Variants in SPINK8 observed in about 807,000 individuals in gnomAD.
SPINK8 encodes the protein serine peptidase inhibitor Kazal type 8 (putative).
SPINK8 carries 12 observed loss-of-function variants against 14.4 expected under a neutral mutation model. The observed-to-expected ratio is 0.83, with a 90% confidence interval of 0.53 to 1.35. The LOEUF (loss-of-function observed/expected upper bound fraction) is 1.35. Ranked by LOEUF, SPINK8 falls within the 40% of genes most tolerant of loss-of-function variation. The pLI, the probability that SPINK8 is intolerant of heterozygous loss-of-function variation, is 0.00. For synonymous variants in SPINK8, 32 were observed against 37.6 expected (o/e 0.85, Z 0.55); for missense variants, 103 against 117.0 (o/e 0.88, Z 0.55).
At chr3:48,310,095 A>G (rs1377803850) in intron 6 of SPINK8, 149 bp from the exon 7 acceptor site, 2 of 1,097,256 alleles carry the variant, frequency 1.8e-6, no homozygotes, top group African/African-American at 1.6e-5. Context: ...ATTCTACTAT[A>G]TGAATTTTTA....
chr3:48,309,755 A>C (rs1018700400), intron 7 of SPINK8, 149 bp downstream of exon 7: 17 of 1,174,446 alleles, frequency 1.4e-5, no homozygotes, highest in Admixed American at 4.6e-5. Flanking sequence ...TTGAATACAC[A>C]TGATAGGCTT....
At chr3:48,317,075 TA>T (rs1283661413) in intron 6 of SPINK8, among the ~76,000 whole-genome samples, 1 of 152,246 alleles carries the variant, frequency 6.6e-6, no homozygotes, top group African/African-American at 2.4e-5. Context: ...CTTTCTCTCC[TA>T]AGAGGCAACT....
chr3:48,309,603 T>C (rs1375404615), intron 7 of SPINK8, among the ~76,000 whole-genome samples: 2 of 152,198 alleles, frequency 1.3e-5, no homozygotes, highest in African/African-American at 4.8e-5. Context: ...TGTAAGGAAA[T>C]GTCCAAACTT....
At chr3:48,321,895 C>T (rs1293496563) in intron 4 of SPINK8, among the ~76,000 whole-genome samples, 1 of 150,836 alleles carries the variant, frequency 6.6e-6, no homozygotes, top group African/African-American at 2.4e-5. Context: ...TCACTGAAGC[C>T]TCAACTACCT....
chr3:48,324,313 A>C (rs954282572), intron 4 of SPINK8, among the ~76,000 whole-genome samples: 2 of 152,192 alleles, frequency 1.3e-5, no homozygotes, highest in African/African-American at 4.8e-5. Context: ...ATAGATATAC[A>C]AATGATTTTT....
rs750919563 is a variant in SPINK8, at chr3:48,321,105, G to T, written c.68-31C>A. 1.9e-6 allele frequency: 3 copies of T among 1,559,464 alleles called. No individual in the cohort carries two copies. The East Asian group carries it at 7.1e-5, about 37-fold the overall frequency. On this transcript the variant is annotated intron_variant, in intron 4 of 7. Transcript: ENST00000434006. ...AGACAAAAGCACATACAGAAAAGTT[G>T]CTTCTCTGTCTTCTGCCCTCAGCGA...
At chr3:48,310,659 A>G (rs934308336) in intron 6 of SPINK8, among the ~76,000 whole-genome samples, 6 of 152,026 alleles carry the variant, frequency 3.9e-5, no homozygotes, top group Admixed American at 3.9e-4. Context: ...CACCAGGCCC[A>G]GCTAATTTTT....
At chr3:48,312,434 A>G (rs1249729336) in intron 6 of SPINK8, among the ~76,000 whole-genome samples, 4 of 152,174 alleles carry the variant, frequency 2.6e-5, no homozygotes, top group Admixed American at 6.5e-5. Context: ...CCTGAGGTCA[A>G]GAATTTGAGA....
At chr3:48,333,391 A>T (rs1459499246) in intron 1 of SPINK8, among the ~76,000 whole-genome samples, 144 bp downstream of exon 1, 2 of 152,096 alleles carry the variant, frequency 1.3e-5, no homozygotes, top group African/African-American at 4.8e-5. Flanking sequence ...GGGAACGTTT[A>T]AAAAGAACAT....
intron 6 of SPINK8, among the ~76,000 whole-genome samples, chr3:48,314,472 G>T (rs1450745167): frequency 1.3e-5 from 2 of 152,110 alleles, no homozygotes; most frequent in East Asian, 3.8e-4. Context: ...CAGTTCCATG[G>T]TAGTAATGAA....
At chr3:48,321,875 C>T (rs966407785) in intron 4 of SPINK8, among the ~76,000 whole-genome samples, 8 of 151,930 alleles carry the variant, frequency 5.3e-5, no homozygotes, top group Middle Eastern at 3.4e-3. Context: ...TGCATTGACA[C>T]GATATCAGCT....
chr3:48,320,661 T>C (rs547689827), intron 5 of SPINK8, among the ~76,000 whole-genome samples: 16 of 152,172 alleles, frequency 1.1e-4, no homozygotes, highest in Non-Finnish European at 1.9e-4. Flanking sequence ...AGGAAATACC[T>C]CATAGGGCCT....
chr3:48,320,436 T>TG (rs2036056578), intron 5 of SPINK8, among the ~76,000 whole-genome samples: 2 of 151,664 alleles, frequency 1.3e-5, no homozygotes, highest in African/African-American at 4.8e-5. Context: ...TAGTCCAAGC[T>TG]ACTCGGGAGG....
chr3:48,312,500 A>G (rs1372306336), intron 6 of SPINK8, among the ~76,000 whole-genome samples: 2 of 151,232 alleles, frequency 1.3e-5, no homozygotes, highest in Admixed American at 1.3e-4. Flanking sequence ...AAAATTACCC[A>G]GGCTTGGTGG....
chr3:48,325,031 A>C (rs2107107506), intron 4 of SPINK8, among the ~76,000 whole-genome samples: 1 of 152,358 alleles, frequency 6.6e-6, no homozygotes, highest in South Asian at 2.1e-4. Context: ...ACCCTTTATC[A>C]TAACATGTCT....
chr3:48,324,098 G>A (rs895194096), intron 4 of SPINK8, among the ~76,000 whole-genome samples: 1 of 152,052 alleles, frequency 6.6e-6, no homozygotes. Context: ...TCTTAACAAT[G>A]TTAAGTCTTC....
rs776892707 is a variant in SPINK8, at chr3:48,313,452, TATA to T, written c.240-3509_240-3507del. On this transcript the variant is annotated intron_variant, in intron 6 of 7. Transcript: ENST00000434006. Reference sequence around the variant, plus strand: ...CCATTTTCACACCCACAAGGATGGATATAATAATATTTTTAAAAAGTACTAGCA... The same window carrying T: ...CCATTTTCACACCCACAAGGATGGATATAATATTTTTAAAAAGTACTAGCA... Among the ~76,000 whole-genome samples the T allele has an allele frequency of 7.2e-5, 11 of 152,288 alleles. No individual in the cohort carries two copies. The East Asian group carries it at 1.3e-3, about 19-fold the overall frequency.
At chr3:48,315,803 T>C (rs973977607) in intron 6 of SPINK8, among the ~76,000 whole-genome samples, 1 of 151,048 alleles carries the variant, frequency 6.6e-6, no homozygotes, top group East Asian at 1.9e-4. Flanking sequence ...GAGAATGATG[T>C]CTCACCAAAT....
chr3:48,331,929 C>T (rs1373167161), intron 2 of SPINK8, among the ~76,000 whole-genome samples: 6 of 152,224 alleles, frequency 3.9e-5, no homozygotes, highest in Non-Finnish European at 8.8e-5. Flanking sequence ...ATGCCAGGGG[C>T]TGGCGCTTGC....
Sources: allele counts gnomAD v4.1 joint callset (sites outside exome capture counted in the v4.1 genomes callset), GRCh38; gene constraint gnomAD v4.1.1; transcripts MANE v1.5; gene names NCBI Gene and HGNC (gene_info 2026-07-23, HGNC 2026-07-21).